ABCB5: variants seen among roughly 807,000 people sequenced by gnomAD.
ABCB5 encodes the protein ATP-binding cassette sub-family B member 5.
Under a neutral mutation model 144.2 loss-of-function variants are expected in ABCB5, and 155 were observed. The ratio of observed to expected loss-of-function variants is 1.08; its 90% CI spans 0.94 to 1.23. The LOEUF is 1.23. Ranked by LOEUF, ABCB5 falls within the 50% of genes most tolerant of loss-of-function variation. The pLI is 0.00. For synonymous variants in ABCB5, 610 were observed against 528.6 expected, an observed-to-expected ratio of 1.15 and a Z score of -2.11; for missense variants, 1,830 against 1,520.8, an observed-to-expected ratio of 1.20 and a Z score of -3.38.
In ABCB5 at chr7:20,643,631, G is replaced by C; in HGVS notation, c.677G>C (p.Arg226Thr). The C allele has an allele frequency of 6.2e-7, 1 of 1,613,698 alleles. No homozygotes were observed. Among genetic ancestry groups the C allele is most frequent in the East Asian group, 2.2e-5 (1 of 44,876 alleles). The stretch of plus-strand genomic sequence containing the variant: ...ATGGCTTCAGCGGCAGCATGTTCTA[G>C]GGTAAGTGAGATGGCTAATGCAATA... ...LIMASAAACS[R>T]MVISLTSKEL... is the part of the protein sequence containing the mutation. The change falls in exon 7 of 28, where the codon AGG becomes ACG. Residue 226 changes from arginine to threonine, a missense_variant and splice_region_variant. Transcript: ENST00000404938.
intron 7 of ABCB5, among the ~76,000 whole-genome samples, chr7:20,645,057 T>C (rs1784372833): frequency 6.6e-6 from 1 of 152,212 alleles, no homozygotes; most frequent in Admixed American, 6.5e-5. Flanking sequence ...TCTATTATTG[T>C]ATTCATTGAT....
intron 11 of ABCB5, 150 bp from the exon 12 acceptor site, chr7:20,649,872 C>T (rs916738): frequency 0.19 from 145,637 of 764,656 alleles, 17,235 homozygotes; most frequent in African/African-American, 0.47. Flanking sequence ...CAGGCTATTA[C>T]TACACATGTA....
chr7:20,744,919 T>C (rs1248265385), intron 25 of ABCB5, among the ~76,000 whole-genome samples: 1 of 152,154 alleles, frequency 6.6e-6, no homozygotes, highest in Non-Finnish European at 1.5e-5. Context: ...TGTTATTTAT[T>C]TATGTGAATA....
chr7:20,679,843 A>G (rs1785733001), intron 14 of ABCB5, among the ~76,000 whole-genome samples: 3 of 152,198 alleles, frequency 2.0e-5, no homozygotes, highest in Non-Finnish European at 4.4e-5. Context: ...ACCACTTTGA[A>G]AAACTATTTG....
At chr7:20,648,105 T>C (rs1268113183) in intron 11 of ABCB5, 27 bp downstream of exon 11, 8 of 1,325,044 alleles carry the variant, frequency 6.0e-6, no homozygotes, top group Middle Eastern at 2.1e-4. Context: ...TACGCAATTG[T>C]GCAGTTTTCT....
At chr7:20,740,047 T>C (rs1166526118) in intron 24 of ABCB5, among the ~76,000 whole-genome samples, 1 of 151,984 alleles carries the variant, frequency 6.6e-6, no homozygotes, top group Non-Finnish European at 1.5e-5. Context: ...CTGGCTAACA[T>C]GGTGAAACCC....
At chr7:20,659,328 C>T in intron 14 of ABCB5, 1 of 1,375,318 alleles carries the variant, frequency 7.3e-7, no homozygotes, top group Non-Finnish European at 9.4e-7. Flanking sequence ...TAAACCAGAG[C>T]CTTCAGACCC....
intron 16 of ABCB5, among the ~76,000 whole-genome samples, chr7:20,692,991 G>C (rs139154997): frequency 4.7e-4 from 71 of 152,230 alleles, no homozygotes; most frequent in African/African-American, 1.7e-3. Flanking sequence ...CAGAAACATA[G>C]ATGACTTTAA....
chr7:20,621,877 A>C (rs1037218961), intron 1 of ABCB5, among the ~76,000 whole-genome samples: 9 of 152,152 alleles, frequency 5.9e-5, no homozygotes, highest in African/African-American at 2.2e-4. Flanking sequence ...ACTAACCAAA[A>C]AGATATGGGA....
chr7:20,652,121 C>T (rs964279809), intron 13 of ABCB5, among the ~76,000 whole-genome samples: 2 of 152,090 alleles, frequency 1.3e-5, no homozygotes, highest in African/African-American at 4.8e-5. Flanking sequence ...TCAGACCAAG[C>T]TGAGAAATTA....
chr7:20,740,760 C>A (rs1782535028), intron 24 of ABCB5, among the ~76,000 whole-genome samples: 1 of 151,966 alleles, frequency 6.6e-6, no homozygotes, highest in South Asian at 2.1e-4. Flanking sequence ...TGAATTTAAT[C>A]CTTATTTTAT....
In ABCB5 at chr7:20,727,112, T is replaced by A; in HGVS notation, c.2698T>A (p.Tyr900Asn). Residue 900 changes from tyrosine (Y) to asparagine (N), a missense_variant, in exon 22 of 28, where the codon TAT (tyrosine) becomes AAT (asparagine). Coordinates refer to ENST00000404938, the MANE Select transcript of ABCB5 (RefSeq NM_001163941.2). ...AAGGGAAAAAGCCTTCGAGCAAATG[T>A]ATGAAGAGATGCTTCAGACTCAACA... is the stretch of plus-strand genomic sequence containing the variant. ...LTREKAFEQMYEEMLQTQHRN... is the reference protein window; with the variant it reads ...LTREKAFEQMNEEMLQTQHRN... 1 of 1,613,592 alleles carries A rather than the reference T, an allele frequency of 6.2e-7. No homozygotes were observed. The highest frequency in any genetic ancestry group is 1.3e-5 in the African/African-American group (1 of 75,028).
At chr7:20,713,865 G>A (rs185720311) in intron 20 of ABCB5, among the ~76,000 whole-genome samples, 4 of 131,882 alleles carry the variant, frequency 3.0e-5, no homozygotes, top group African/African-American at 5.7e-5. Flanking sequence ...CAGATATCTC[G>A]ATTTATCATT....
At chr7:20,739,887 A>T (rs1288424356) in intron 24 of ABCB5, among the ~76,000 whole-genome samples, 1 of 152,204 alleles carries the variant, frequency 6.6e-6, no homozygotes, top group African/African-American at 2.4e-5. Context: ...TGTGAATATT[A>T]AAAGAGAAAT....
intron 20 of ABCB5, among the ~76,000 whole-genome samples, chr7:20,705,164 T>C (rs1300668624): frequency 6.6e-6 from 1 of 152,198 alleles, no homozygotes; most frequent in Non-Finnish European, 1.5e-5. Flanking sequence ...GAAAAAGGTT[T>C]AGTTTTTCCT....
intron 20 of ABCB5, among the ~76,000 whole-genome samples, chr7:20,709,312 G>A (rs1786932806): frequency 1.3e-5 from 2 of 149,944 alleles, no homozygotes; most frequent in South Asian, 4.3e-4. Flanking sequence ...GTTTTGCGAA[G>A]AAATTCTGCT....
At chr7:20,721,074 A>G (rs1781852425) in intron 20 of ABCB5, among the ~76,000 whole-genome samples, 1 of 152,200 alleles carries the variant, frequency 6.6e-6, no homozygotes, top group South Asian at 2.1e-4. Context: ...CATTATTGAG[A>G]CAACTGATAA....
intron 9 of ABCB5, 30 bp downstream of exon 9, chr7:20,646,168 G>C (rs1053926596): frequency 1.3e-6 from 2 of 1,582,104 alleles, no homozygotes; most frequent in Non-Finnish European, 1.7e-6. Context: ...AAGGTGTCAG[G>C]CCTGGATAAT....
chr7:20,704,765 C>G lies in ABCB5; in HGVS notation c.2379C>G (p.Gly793=). 1 of 1,613,728 alleles carries G rather than the reference C, an allele frequency of 6.2e-7. No individual in the cohort carries two copies. The highest frequency in any genetic ancestry group is 1.7e-5 in the Admixed American group (1 of 60,024). Residue 793 remains glycine (G), a synonymous_variant, in exon 20 of 28, where the codon GGC becomes GGG. Coordinates refer to ENST00000404938, the MANE Select transcript of ABCB5 (RefSeq NM_001163941.2). ...WFDEKENSTG[G]LTTILAIDIA... ...ATGAAAAGGAAAACAGCACAGGAGG[C>G]TTGACAACAATATTAGCCATAGATA...
Sources: gnomAD v4.1 joint callset for allele counts (sites outside exome capture counted in the v4.1 genomes callset) on GRCh38, gnomAD v4.1.1 for gene constraint, MANE v1.5 for transcripts, NCBI Gene and HGNC (gene_info 2026-07-23, HGNC 2026-07-21) for gene names.